ARHGAP11A: variants seen among roughly 807,000 people sequenced by gnomAD.
ARHGAP11A encodes rho GTPase-activating protein 11A.
ARHGAP11A carries 36 observed loss-of-function variants against 60.5 expected under a neutral mutation model. That is an observed-to-expected ratio of 0.59 (90% CI 0.46 to 0.79). The LOEUF (loss-of-function observed/expected upper bound fraction) is 0.79, where lower values mean the gene tolerates loss of function less well. ARHGAP11A is among the 30% of genes least tolerant of loss of function. ARHGAP11A has a pLI of 0.00. For synonymous variants in ARHGAP11A, 362 were observed against 415.5 expected, an observed-to-expected ratio of 0.87 and a Z score of 1.57; for missense variants, 1,071 against 1,199.2, an observed-to-expected ratio of 0.89 and a Z score of 1.58.
chr15:32,617,471 CTTTTT>C (rs1168851603), intron 1 of ARHGAP11A, among the ~76,000 whole-genome samples: 1 of 102,010 alleles, frequency 9.8e-6, no homozygotes, highest in Admixed American at 1.1e-4. Flanking sequence ...TTTTCTTTTC[CTTTTT>C]TTTTTTTTTT....
At chr15:32,619,355 A>T (rs932486392) in intron 1 of ARHGAP11A, among the ~76,000 whole-genome samples, 11 of 152,390 alleles carry the variant, frequency 7.2e-5, no homozygotes, top group African/African-American at 2.4e-4. Context: ...GTTCGAATGC[A>T]TGCACAAAGA....
chr15:32,619,423 G>A (rs2053243654), intron 1 of ARHGAP11A, among the ~76,000 whole-genome samples: 1 of 152,210 alleles, frequency 6.6e-6, no homozygotes, highest in African/African-American at 2.4e-5. Flanking sequence ...CCAACACACA[G>A]CTTTACTCTT....
chr15:32,637,411 C>G lies in ARHGAP11A; in HGVS notation c.2638C>G (p.Leu880Val), dbSNP rs765597522. Reference protein sequence around the residue: ...LVKSVSCDGALSSCIESASKD... With the variant: ...LVKSVSCDGAVSSCIESASKD... ...CAAATCAGTGAGCTGTGACGGTGCTCTTTCCTCTTGTATAGAAAGTGCATC... is the reference window on the plus strand; with the variant it reads ...CAAATCAGTGAGCTGTGACGGTGCTGTTTCCTCTTGTATAGAAAGTGCATC... Residue 880 changes from leucine to valine, a missense_variant, in exon 12 of 12, where the codon CTT becomes GTT. This residue lies in a region of ARHGAP11A where 776 missense variants were observed against 760.2 expected (regional missense o/e 1.02). Transcript: ENST00000361627. 2.5e-6 allele frequency: 4 copies of G among 1,614,136 alleles called. No homozygotes were observed. The East Asian group carries it at 8.9e-5, about 36-fold the overall frequency.
In ARHGAP11A at chr15:32,638,111, C is replaced by G. The variant is rs1473423652; in HGVS notation, c.*266C>G. Reference sequence around the variant, plus strand: ...CAGAGGTTAGACTTTACCTTTCTGACTCTGTCGTCCAGGCTGGAGTGCAGT... The same window carrying G: ...CAGAGGTTAGACTTTACCTTTCTGAGTCTGTCGTCCAGGCTGGAGTGCAGT... On this transcript the variant is annotated 3_prime_UTR_variant, in exon 12 of 12. Transcript: ENST00000361627. 2.9e-6 allele frequency: 1 copy of G among 346,022 alleles called. No homozygotes were observed. The highest frequency in any genetic ancestry group is 5.2e-6 in the Non-Finnish European group (1 of 193,244). 21.4% of individuals were successfully genotyped at this position (346,022 alleles called of 1,614,324 possible).
intron 6 of ARHGAP11A, among the ~76,000 whole-genome samples, chr15:32,626,687 G>A (rs182663313): frequency 3.9e-5 from 6 of 152,384 alleles, no homozygotes; most frequent in African/African-American, 1.4e-4. Flanking sequence ...CTAGAAGTCT[G>A]AAATCAAGGT....
chr15:32,621,854 G>A (rs1266811898), intron 2 of ARHGAP11A, among the ~76,000 whole-genome samples: 6 of 151,942 alleles, frequency 3.9e-5, no homozygotes, highest in African/African-American at 1.4e-4. Flanking sequence ...AAAAAAGAAT[G>A]TAATCTAAAA....
rs200745002 is a variant in ARHGAP11A, at chr15:32,627,147, G to A, written c.862+1514G>A. Among the ~76,000 whole-genome samples, 376 of 151,780 alleles carry A rather than the reference G, an allele frequency of 2.5e-3. 10 individuals carry two copies. In the East Asian group the frequency reaches 0.062, roughly 25 times the overall value. ...ATCTAAATAGATAACCACCACATCT[G>A]TACCACCGTTATCTTGAAAATGTCA... On this transcript the variant is annotated intron_variant, in intron 6 of 11. Transcript: ENST00000361627.
intron 9 of ARHGAP11A, 137 bp downstream of exon 9, chr15:32,633,245 T>C (rs774316610): frequency 2.6e-4 from 252 of 957,630 alleles, no homozygotes; most frequent in Non-Finnish European, 3.7e-4. Flanking sequence ...TATAGTCTTA[T>C]TAATCAATTG....
Position 32,616,234 on chromosome 15 carries a change from G to C in ARHGAP11A, c.23G>C (p.Arg8Thr), listed in dbSNP as rs4470116. MWDQRLVRLALLQHLRAF... is the reference protein window; with the variant it reads MWDQRLVTLALLQHLRAF... ...GGAATGTGGGATCAGAGGCTGGTGA[G>C]GTTGGCCCTGTTGCAGCATCTGCGG... Residue 8 changes from arginine to threonine, a missense_variant, in exon 1 of 12, where the codon AGG becomes ACG. Physicochemically the swap from Arg to Thr is moderately conservative, Grantham distance 71 (BLOSUM62 -1). Around this residue, in one of 4 missense-constraint regions of ARHGAP11A, gnomAD observed 28 missense variants for 24.5 expected, o/e 1.14. Transcript: ENST00000361627. 6.2e-7 allele frequency: 1 copy of C among 1,613,784 alleles called. No homozygotes were observed. Among genetic ancestry groups the C allele is most frequent in the Non-Finnish European group, 8.5e-7 (1 of 1,179,850 alleles).
At chr15:32,632,494 A>G (rs2053606998) in intron 8 of ARHGAP11A, among the ~76,000 whole-genome samples, 1 of 152,222 alleles carries the variant, frequency 6.6e-6, no homozygotes, top group African/African-American at 2.4e-5. Flanking sequence ...AAATACTCAG[A>G]TTCCAACTTG....
chr15:32,625,839 A>G (rs1242427883), intron 6 of ARHGAP11A, among the ~76,000 whole-genome samples: 3 of 152,264 alleles, frequency 2.0e-5, no homozygotes, highest in Non-Finnish European at 2.9e-5. Context: ...AAAATGTGTT[A>G]AAAGGAGAAA....
At chr15:32,620,250 C>T (rs945217234) in intron 2 of ARHGAP11A, 72 bp downstream of exon 2, 16 of 1,608,748 alleles carry the variant, frequency 9.9e-6, no homozygotes, top group African/African-American at 8.0e-5. Context: ...TTTGAGAGGC[C>T]GAGGTGGGCA....
chr15:32,626,033 T>C (rs1255682400), intron 6 of ARHGAP11A, among the ~76,000 whole-genome samples: 1 of 152,130 alleles, frequency 6.6e-6, no homozygotes, highest in Non-Finnish European at 1.5e-5. Flanking sequence ...CTAATGTAGA[T>C]AGTGCAGTAT....
intron 1 of ARHGAP11A, among the ~76,000 whole-genome samples, chr15:32,616,782 A>G (rs980895910): frequency 6.6e-6 from 1 of 152,190 alleles, no homozygotes; most frequent in Non-Finnish European, 1.5e-5. Context: ...CTACCCCTCC[A>G]CCCTTGTTTT....
upstream of ARHGAP11A, chr15:32,615,278 A>G (rs1313673428): frequency 6.6e-6 from 1 of 152,068 alleles, no homozygotes; most frequent in Non-Finnish European, 1.5e-5. Flanking sequence ...AAAACCTTTA[A>G]ACAGTATTCC....
At chr15:32,636,212 C>T in intron 11 of ARHGAP11A, 45 bp from the exon 12 acceptor site, 2 of 1,505,782 alleles carry the variant, frequency 1.3e-6, no homozygotes, top group Non-Finnish European at 1.8e-6. Context: ...TATTTCAAAA[C>T]AAGGTTAAAT....
In ARHGAP11A at chr15:32,625,632, A is replaced by G. The variant is rs1192534029; in HGVS notation, c.861A>G (p.Gly287=). ...EYKRKRRQSV[G]DFVSGALNKF... ...AGAGAAAGAGAAGACAAAGTGTAGGAGGTAAGTGGCGGTCCCATTTTATGG... is the reference window on the plus strand; with the variant it reads ...AGAGAAAGAGAAGACAAAGTGTAGGGGGTAAGTGGCGGTCCCATTTTATGG... The change falls in exon 6 of 12, where the codon GGA becomes GGG. Residue 287 remains glycine, a splice_region_variant and synonymous_variant. Coordinates refer to ENST00000361627, the MANE Select transcript of ARHGAP11A (RefSeq NM_014783.6). The G allele has an allele frequency of 5.6e-6, 9 of 1,613,896 alleles. No individual in the cohort carries two copies. The highest frequency in any genetic ancestry group is 7.6e-6 in the Non-Finnish European group (9 of 1,179,806).
intron 5 of ARHGAP11A, 30 bp from the exon 6 acceptor site, chr15:32,625,457 A>G: frequency 1.2e-6 from 2 of 1,607,936 alleles, no homozygotes; most frequent in Non-Finnish European, 1.7e-6. Context: ...AAGGATAATA[A>G]TTGTCTTACT....
rs1190555217 is a variant in ARHGAP11A, at chr15:32,637,818, AC to A, written c.3047del (p.Pro1016GlnfsTer6). Reference protein sequence around the residue: ...KHPIGKTQLLPTSKPVDL With the variant: ...KHPIGKTQLLXTSKPVDL Reference sequence around the variant, plus strand: ...ATCCTATCGGAAAAACTCAATTACTACCAACAAGTAAACCTGTAGATTTGTA... The same window carrying A: ...ATCCTATCGGAAAAACTCAATTACTACAACAAGTAAACCTGTAGATTTGTA... On this transcript the variant is annotated frameshift_variant, in exon 12 of 12. Transcript: ENST00000361627. LOFTEE classifies it high-confidence loss of function. The A allele has an allele frequency of 6.2e-7, 1 of 1,603,056 alleles. No individual in the cohort carries two copies. The highest frequency in any genetic ancestry group is 2.2e-5 in the East Asian group (1 of 44,784).
Sources: allele counts gnomAD v4.1 joint callset (sites outside exome capture counted in the v4.1 genomes callset), GRCh38; gene constraint gnomAD v4.1.1; regional missense constraint gnomAD v4.1.1; transcripts MANE v1.5; gene names NCBI Gene and HGNC (gene_info 2026-07-23, HGNC 2026-07-21).